Variants in CLYBL observed in about 807,000 individuals in gnomAD.
CLYBL encodes the protein citramalyl-CoA lyase, mitochondrial.
In CLYBL, 31 loss-of-function variants were observed where a neutral mutation model predicts 38.9. The observed-to-expected ratio is 0.80, with a 90% CI of 0.60 to 1.08. CLYBL has a LOEUF of 1.08. CLYBL is among the 50% of genes least tolerant of loss of function. CLYBL has a pLI of 0.00. For missense variants in CLYBL, 434 were observed against 411.6 expected (o/e 1.05, Z -0.47); for synonymous variants, 171 against 158.6 (o/e 1.08, Z -0.59).
chr13:99,666,344 T>G (rs2047480964), intron 1 of CLYBL, among the ~76,000 whole-genome samples: 1 of 151,958 alleles, frequency 6.6e-6, no homozygotes, highest in Admixed American at 6.6e-5. Context: ...CTGAGTGGCT[T>G]TAGGCAGCCT....
chr13:99,823,022 C>T (rs117044342), intron 2 of CLYBL, among the ~76,000 whole-genome samples: 244 of 152,320 alleles, frequency 1.6e-3, no homozygotes, highest in Non-Finnish European at 2.8e-3. Context: ...ATTATATCAA[C>T]ATTCAATGTT....
At chr13:99,841,394 C>CT (rs749851808) in intron 2 of CLYBL, among the ~76,000 whole-genome samples, 13 of 89,078 alleles carry the variant, frequency 1.5e-4, no homozygotes, top group Non-Finnish European at 2.9e-4. Flanking sequence ...CACATACATA[C>CT]TTTTTTTTTT....
rs776899133 is a variant in CLYBL at position 99,671,789 on chromosome 13, A to AT, written c.62+65032_62+65033insT. Among the ~76,000 whole-genome samples the AT allele has an allele frequency of 8.0e-3, 1,031 of 129,212 alleles. 10 individuals carry two copies. Among genetic ancestry groups the AT allele is most frequent in the Middle Eastern group, 0.061 (15 of 246 alleles). 84.8% of individuals were successfully genotyped at this position (129,212 alleles called of 152,430 possible). ...AGCAAGACTCTTTCTCAAAAAAAAA[A>AT]AAAAAATAATAAAAGCTACTGCAAA... On this transcript the variant is annotated intron_variant, in intron 1 of 8. Transcript: ENST00000339105.
chr13:99,609,169 G>GTTTTTT (rs58873910), intron 1 of CLYBL, among the ~76,000 whole-genome samples: 2 of 45,788 alleles, frequency 4.4e-5, no homozygotes, highest in African/African-American at 9.4e-5. Context: ...ACCTGTCTTT[G>GTTTTTT]TTTTTTTTTT....
intron 1 of CLYBL, among the ~76,000 whole-genome samples, chr13:99,730,434 C>T (rs1244090853): frequency 3.3e-5 from 5 of 150,244 alleles, no homozygotes; most frequent in Non-Finnish European, 5.9e-5. Context: ...AAGCTTTGGG[C>T]GTCCTGGCTG....
intron 8 of CLYBL, among the ~76,000 whole-genome samples, chr13:99,903,493 ATCTC>A: frequency 6.6e-6 from 1 of 152,256 alleles, no homozygotes; most frequent in African/African-American, 2.4e-5. Context: ...TCTATTTCTT[ATCTC>A]TCTCTATCCG....
At chr13:99,826,536 A>G (rs1239216702) in intron 2 of CLYBL, among the ~76,000 whole-genome samples, 1 of 152,074 alleles carries the variant, frequency 6.6e-6, no homozygotes, top group Non-Finnish European at 1.5e-5. Context: ...TTGCAATCCA[A>G]CTCTCAGCAG....
intron 1 of CLYBL, among the ~76,000 whole-genome samples, chr13:99,627,244 C>T (rs2046882957): frequency 1.3e-5 from 2 of 151,870 alleles, no homozygotes; most frequent in African/African-American, 2.4e-5. Context: ...GTTCCTTTCT[C>T]GTCTTTATTT....
chr13:99,898,658 G>T (rs2052609366), downstream of CLYBL, among the ~76,000 whole-genome samples: 1 of 152,150 alleles, frequency 6.6e-6, no homozygotes, highest in Non-Finnish European at 1.5e-5. Context: ...TGTCCACACT[G>T]ATCTTTTCCG....
intron 1 of CLYBL, among the ~76,000 whole-genome samples, chr13:99,767,639 C>T (rs1453875986): frequency 6.6e-6 from 1 of 152,172 alleles, no homozygotes; most frequent in Non-Finnish European, 1.5e-5. Context: ...ATTCACTTCT[C>T]TTCAGTCTTT....
At chr13:99,718,106 T>G (rs1046199236) in intron 1 of CLYBL, among the ~76,000 whole-genome samples, 1 of 152,052 alleles carries the variant, frequency 6.6e-6, no homozygotes, top group Non-Finnish European at 1.5e-5. Context: ...CTATAACTCC[T>G]GGGCTCAAGT....
intron 1 of CLYBL, among the ~76,000 whole-genome samples, chr13:99,734,481 A>G (rs1252744777): frequency 6.6e-6 from 1 of 152,084 alleles, no homozygotes; most frequent in Non-Finnish European, 1.5e-5. Flanking sequence ...CTTTAGTGCA[A>G]ACTAGTAGGC....
At chr13:99,801,193 G>A (rs1424317911) in intron 2 of CLYBL, among the ~76,000 whole-genome samples, 2 of 152,208 alleles carry the variant, frequency 1.3e-5, no homozygotes, top group Non-Finnish European at 2.9e-5. Flanking sequence ...TGGCCTCTAA[G>A]CATCTGAGCT....
chr13:99,771,038 T>C (rs1172366147), intron 1 of CLYBL, among the ~76,000 whole-genome samples: 12 of 46,868 alleles, frequency 2.6e-4, no homozygotes, highest in Non-Finnish European at 5.0e-4. Context: ...TTTTTTTTTT[T>C]TTTTTTTTTT....
intron 7 of CLYBL, among the ~76,000 whole-genome samples, chr13:99,873,061 C>G (rs911654456): frequency 2.6e-5 from 4 of 152,008 alleles, no homozygotes; most frequent in African/African-American, 9.7e-5. Flanking sequence ...GGGAGACTAA[C>G]TATTAGGTAA....
At chr13:99,659,838 GA>G (rs1159556048) in intron 1 of CLYBL, among the ~76,000 whole-genome samples, 1 of 152,154 alleles carries the variant, frequency 6.6e-6, no homozygotes, top group Non-Finnish European at 1.5e-5. Context: ...TTGATATGTG[GA>G]AATAAAGCAG....
chr13:99,800,921 C>T (rs1001320167), intron 2 of CLYBL, among the ~76,000 whole-genome samples: 2 of 140,412 alleles, frequency 1.4e-5, no homozygotes, highest in Non-Finnish European at 3.1e-5. Flanking sequence ...AAAAAAAAAA[C>T]GTAATTGGGT....
chr13:99,847,988 C>T (rs1305001881), intron 2 of CLYBL, among the ~76,000 whole-genome samples: 1 of 152,202 alleles, frequency 6.6e-6, no homozygotes, highest in Non-Finnish European at 1.5e-5. Context: ...GTCTGTCTGT[C>T]TCCTGGTTCA....
intron 1 of CLYBL, among the ~76,000 whole-genome samples, chr13:99,729,527 C>T (rs2048542778): frequency 1.3e-5 from 2 of 152,140 alleles, no homozygotes; most frequent in South Asian, 4.2e-4. Flanking sequence ...GTTTGGTGGG[C>T]TTTAGAAGTG....
Sources: gnomAD v4.1 joint callset for allele counts (sites outside exome capture counted in the v4.1 genomes callset) on GRCh38, gnomAD v4.1.1 for gene constraint, MANE v1.5 for transcripts, NCBI Gene and HGNC (gene_info 2026-07-23, HGNC 2026-07-21) for gene names.